The following PIP4P2 variants were observed in gnomAD, a reference collection of about 807,000 sequenced individuals.
PIP4P2 encodes type 2 phosphatidylinositol 4,5-bisphosphate 4-phosphatase.
In PIP4P2, 19 loss-of-function variants were observed where a neutral mutation model predicts 33.3. The ratio of observed to expected loss-of-function variants is 0.57; its 90% CI spans 0.40 to 0.84. PIP4P2 has a LOEUF of 0.84. Among genes scored for constraint, PIP4P2 ranks in the 40% least tolerant of loss-of-function variants. PIP4P2 has a pLI of 0.00. For synonymous variants in PIP4P2, 110 were observed against 111.9 expected, an observed-to-expected ratio of 0.98 and a Z score of 0.11; for missense variants, 270 against 324.7, an observed-to-expected ratio of 0.83 and a Z score of 1.29.
In PIP4P2 at chr8:91,002,951, T is replaced by C. The variant is rs553734891; in HGVS notation, c.539+5792A>G. 2.6e-5 allele frequency among the ~76,000 whole-genome samples: 4 copies of C among 152,230 alleles called. No individual in the cohort carries two copies. The East Asian group carries it at 7.7e-4, about 29-fold the overall frequency. On this transcript the variant is annotated intron_variant, in intron 5 of 6. Transcript: ENST00000285419. The stretch of plus-strand genomic sequence containing the variant: ...AGACAGAAGAAAACAAAGATATCCC[T>C]AGAAAAGTTAGGCAAAGACTAAAAG...
intron 1 of PIP4P2, among the ~76,000 whole-genome samples, chr8:91,033,813 T>C (rs1812201282): frequency 6.6e-6 from 1 of 152,138 alleles, no homozygotes; most frequent in Admixed American, 6.6e-5. Context: ...AGAGTCTCAC[T>C]CTGTTGCGCA....
chr8:91,018,531 A>C lies in PIP4P2; in HGVS notation c.363-18T>G. ...TCCGTCTACTGTGAAAAGAGAAAGG[A>C]AACAACTTCACTATCCCACAAATGG... On this transcript the variant is annotated intron_variant, in intron 3 of 6. Transcript: ENST00000285419. The C allele has an allele frequency of 6.2e-7, 1 of 1,610,918 alleles. No homozygotes were observed.
At chr8:91,020,990 A>T (rs7818187) in intron 2 of PIP4P2, among the ~76,000 whole-genome samples, 73,240 of 152,120 alleles carry the variant, frequency 0.48, 20,619 homozygotes, top group Non-Finnish European at 0.64. Flanking sequence ...TTTATACGTA[A>T]CTGCCATGCT....
At chr8:91,008,355 A>T (rs973510269) in intron 5 of PIP4P2, among the ~76,000 whole-genome samples, 1 of 152,186 alleles carries the variant, frequency 6.6e-6, no homozygotes, top group Non-Finnish European at 1.5e-5. Flanking sequence ...CAGGAGATGA[A>T]AAAGGCCAAC....
chr8:91,012,359 T>C (rs1811849075), intron 4 of PIP4P2, among the ~76,000 whole-genome samples: 1 of 151,982 alleles, frequency 6.6e-6, no homozygotes, highest in Non-Finnish European at 1.5e-5. Context: ...AGGAAATGAG[T>C]AAATGAATTA....
intron 5 of PIP4P2, among the ~76,000 whole-genome samples, chr8:91,005,133 A>G (rs1206109507): frequency 1.3e-5 from 2 of 152,194 alleles, no homozygotes; most frequent in African/African-American, 4.8e-5. Context: ...TATATCTAAT[A>G]TGTTGAAAAT....
chr8:91,012,094 T>C (rs1399240742), intron 4 of PIP4P2, among the ~76,000 whole-genome samples: 1 of 151,950 alleles, frequency 6.6e-6, no homozygotes, highest in Non-Finnish European at 1.5e-5. Context: ...TCTTGAGTAT[T>C]TTGTCACAGG....
intron 1 of PIP4P2, among the ~76,000 whole-genome samples, chr8:91,027,802 A>G (rs922936520): frequency 1.3e-5 from 2 of 152,224 alleles, no homozygotes; most frequent in East Asian, 3.9e-4. Context: ...TCAAAGGTAT[A>G]CAGAGTTAGG....
At chr8:91,021,733 T>C (rs1043155326) in intron 1 of PIP4P2, among the ~76,000 whole-genome samples, 7 of 152,170 alleles carry the variant, frequency 4.6e-5, no homozygotes, top group African/African-American at 1.2e-4. Context: ...AGAGTGGTAA[T>C]TTATGCCTAC....
At chr8:91,031,384 C>A (rs1812162458) in intron 1 of PIP4P2, among the ~76,000 whole-genome samples, 1 of 152,160 alleles carries the variant, frequency 6.6e-6, no homozygotes, top group Non-Finnish European at 1.5e-5. Context: ...TATTGTTTCT[C>A]CTCTGGATTG....
At chr8:91,029,860 G>A (rs771779594) in intron 1 of PIP4P2, among the ~76,000 whole-genome samples, 17 of 152,068 alleles carry the variant, frequency 1.1e-4, no homozygotes, top group African/African-American at 2.7e-4. Context: ...CCAGCTACTC[G>A]GGAGGCTGAG....
intron 1 of PIP4P2, among the ~76,000 whole-genome samples, chr8:91,034,931 A>T (rs528042299): frequency 1.3e-5 from 2 of 152,282 alleles, no homozygotes; most frequent in African/African-American, 4.8e-5. Flanking sequence ...AAATGAACTA[A>T]GACCTTACCT....
intron 1 of PIP4P2, among the ~76,000 whole-genome samples, chr8:91,025,270 G>A (rs892438920): frequency 6.6e-6 from 1 of 152,064 alleles, no homozygotes; most frequent in African/African-American, 2.4e-5. Flanking sequence ...TCATAAAAGG[G>A]AGAGAATGAT....
At chr8:91,037,492 G>A (rs936224169) in intron 1 of PIP4P2, among the ~76,000 whole-genome samples, 2 of 152,068 alleles carry the variant, frequency 1.3e-5, no homozygotes, top group African/African-American at 4.8e-5. Context: ...TACTCTCAAG[G>A]TATTGCATAT....
At chr8:91,009,241 T>A (rs1421830177) in intron 4 of PIP4P2, among the ~76,000 whole-genome samples, 1 of 152,098 alleles carries the variant, frequency 6.6e-6, no homozygotes, top group Non-Finnish European at 1.5e-5. Context: ...AGTCACCAAG[T>A]ACATAAACTA....
chr8:91,003,653 G>C (rs1035494850), intron 5 of PIP4P2, among the ~76,000 whole-genome samples: 1 of 152,146 alleles, frequency 6.6e-6, no homozygotes, highest in African/African-American at 2.4e-5. Flanking sequence ...AGGCTAGATA[G>C]TGAATAGAGA....
At chr8:91,001,398 C>T (rs1811697636) in intron 5 of PIP4P2, among the ~76,000 whole-genome samples, 1 of 151,688 alleles carries the variant, frequency 6.6e-6, no homozygotes, top group African/African-American at 2.4e-5. Context: ...CATCCCGCAC[C>T]CTGTGCCTGC....
At chr8:91,027,231 A>G (rs1812096560) in intron 1 of PIP4P2, among the ~76,000 whole-genome samples, 1 of 152,236 alleles carries the variant, frequency 6.6e-6, no homozygotes, top group Non-Finnish European at 1.5e-5. Context: ...ATTGCAAATA[A>G]GTGGAACTCT....
intron 1 of PIP4P2, among the ~76,000 whole-genome samples, chr8:91,038,699 G>C (rs890438069): frequency 6.6e-6 from 1 of 152,114 alleles, no homozygotes; most frequent in Non-Finnish European, 1.5e-5. Flanking sequence ...TGTTACTTAT[G>C]AAGAAAAATA....
Sources: gnomAD v4.1 joint callset for allele counts (sites outside exome capture counted in the v4.1 genomes callset) on GRCh38, gnomAD v4.1.1 for gene constraint, MANE v1.5 for transcripts, NCBI Gene and HGNC (gene_info 2026-07-23, HGNC 2026-07-21) for gene names.